NSMAF: variants seen among roughly 807,000 people sequenced by gnomAD.
The protein encoded by NSMAF is neutral sphingomyelinase activation associated factor.
In NSMAF, 90 loss-of-function variants were observed where a neutral mutation model predicts 134.9. The ratio of observed to expected loss-of-function variants is 0.67; its 90% CI spans 0.56 to 0.79. The LOEUF (loss-of-function observed/expected upper bound fraction) is 0.79, where lower values mean the gene tolerates loss of function less well. Among genes scored for constraint, NSMAF ranks in the 30% least tolerant of loss-of-function variants. The probability of loss-of-function intolerance (pLI) is 0.00; values close to 1 mark genes in which losing one functional copy is unlikely to be tolerated. For missense variants in NSMAF, 1,010 were observed against 1,119.0 expected (o/e 0.90, Z 1.39); for synonymous variants, 358 against 389.6 (o/e 0.92, Z 0.96).
intron 9 of NSMAF, among the ~76,000 whole-genome samples, 165 bp from the exon 10 acceptor site, chr8:58,609,898 CTT>C (rs1195626291): frequency 6.6e-6 from 1 of 152,072 alleles, no homozygotes; most frequent in East Asian, 1.9e-4. Flanking sequence ...AAAACTGACT[CTT>C]TAGAAATGGC....
At chr8:58,658,884 C>T (rs1807785109) in intron 1 of NSMAF, among the ~76,000 whole-genome samples, 1 of 152,182 alleles carries the variant, frequency 6.6e-6, no homozygotes, top group African/African-American at 2.4e-5. Flanking sequence ...GCTCCGCTGC[C>T]GCACCGCGAT....
intron 9 of NSMAF, among the ~76,000 whole-genome samples, chr8:58,620,276 G>A (rs547465644): frequency 1.3e-5 from 2 of 152,306 alleles, no homozygotes; most frequent in South Asian, 4.1e-4. Context: ...CAACAGCCAG[G>A]TGCAGAGAAG....
chr8:58,587,751 T>A lies in NSMAF; in HGVS notation c.2212-50A>T, dbSNP rs759349945. 91 of 1,539,880 alleles carry A rather than the reference T, an allele frequency of 5.9e-5. 1 individual carries two copies. The highest frequency in any genetic ancestry group is 4.6e-4 in the Admixed American group (26 of 56,248). On this transcript the variant is annotated intron_variant, in intron 26 of 30. Coordinates refer to ENST00000038176, the MANE Select transcript of NSMAF (RefSeq NM_003580.4). ...GTATTTTCAAACATTTAACAAAAAG[T>A]CATTTTCTAGTGCATTCAAGAAAAA... is the stretch of plus-strand genomic sequence containing the variant.
intron 9 of NSMAF, among the ~76,000 whole-genome samples, chr8:58,611,344 C>T (rs867555379): frequency 6.6e-6 from 1 of 152,060 alleles, no homozygotes; most frequent in African/African-American, 2.4e-5. Flanking sequence ...GAGTTTGAGA[C>T]CAGCTGGGTA....
intron 9 of NSMAF, among the ~76,000 whole-genome samples, chr8:58,611,943 T>TA (rs1238037337): frequency 2.6e-5 from 4 of 152,102 alleles, no homozygotes; most frequent in African/African-American, 4.8e-5. Context: ...TGTGACATAA[T>TA]AAAAAAATAT....
Position 58,645,902 on chromosome 8 carries a change from G to A in NSMAF, c.60-2829C>T, listed in dbSNP as rs566190323. The stretch of plus-strand genomic sequence containing the variant: ...CTAAAAGTACAAAAATTAGCCAGGC[G>A]TGGTGGCGGGCGCCTATAATCCCAG... On this transcript the variant is annotated intron_variant, in intron 1 of 30. Coordinates refer to ENST00000038176, the MANE Select transcript of NSMAF (RefSeq NM_003580.4). Among the ~76,000 whole-genome samples the A allele has an allele frequency of 2.6e-5, 4 of 152,224 alleles. No individual in the cohort carries two copies. The East Asian group carries it at 5.8e-4, about 22-fold the overall frequency.
At chr8:58,591,426 T>A (rs1806019848) in intron 23 of NSMAF, among the ~76,000 whole-genome samples, 2 of 144,342 alleles carry the variant, frequency 1.4e-5, no homozygotes, top group South Asian at 4.3e-4. Flanking sequence ...TAAATAATAA[T>A]AAAGTAGAAA....
chr8:58,605,722 C>CAAA (rs905286436), intron 12 of NSMAF, among the ~76,000 whole-genome samples: 1 of 150,930 alleles, frequency 6.6e-6, no homozygotes, highest in Non-Finnish European at 1.5e-5. Context: ...ACTAAAAATA[C>CAAA]AAAAAAAATT....
chr8:58,599,659 T>C (rs1453491497), intron 18 of NSMAF, 91 bp downstream of exon 18: 32 of 1,418,922 alleles, frequency 2.3e-5, no homozygotes, highest in Non-Finnish European at 3.1e-5. Context: ...TATATTGTGA[T>C]TTTTAAAAAT....
In NSMAF at chr8:58,597,515, G is replaced by GT; in HGVS notation, c.1663dup (p.Thr555AsnfsTer27). On this transcript the variant is annotated frameshift_variant, in exon 21 of 31. Coordinates refer to ENST00000038176, the MANE Select transcript of NSMAF (RefSeq NM_003580.4). LOFTEE classifies it high-confidence loss of function. Reference sequence around the variant, plus strand: ...TGTCTGCCCAAATTCCAAGATTTGCGTAAGCATGGCTACCTTCTCATCAGG... The same window carrying GT: ...TGTCTGCCCAAATTCCAAGATTTGCGTTAAGCATGGCTACCTTCTCATCAGG... 1 of 1,614,186 alleles carries GT rather than the reference G, an allele frequency of 6.2e-7. No individual in the cohort carries two copies. The highest frequency in any genetic ancestry group is 8.5e-7 in the Non-Finnish European group (1 of 1,180,006).
chr8:58,590,139 CTA>C, intron 24 of NSMAF, 65 bp from the exon 25 acceptor site: 1 of 1,386,130 alleles, frequency 7.2e-7, no homozygotes, highest in Non-Finnish European at 1.0e-6. Context: ...CACAGTAAAG[CTA>C]TCTTATACAT....
At chr8:58,593,466 G>C (rs1163711463) in intron 23 of NSMAF, among the ~76,000 whole-genome samples, 1 of 152,162 alleles carries the variant, frequency 6.6e-6, no homozygotes, top group Non-Finnish European at 1.5e-5. Context: ...CTATGATAAA[G>C]ACTAAATAAC....
intron 11 of NSMAF, among the ~76,000 whole-genome samples, chr8:58,606,988 C>A (rs1806424224): frequency 6.6e-6 from 1 of 152,114 alleles, no homozygotes; most frequent in African/African-American, 2.4e-5. Context: ...TATCTGTTTC[C>A]CTGATCTGCT....
intron 24 of NSMAF, 96 bp downstream of exon 24, chr8:58,590,771 C>T: frequency 8.0e-7 from 1 of 1,253,360 alleles, no homozygotes; most frequent in Non-Finnish European, 1.1e-6. Context: ...GGAATAAACT[C>T]AATTGTTTTG....
chr8:58,627,052 ATTAT>A (rs1806949104), intron 6 of NSMAF, among the ~76,000 whole-genome samples: 1 of 151,362 alleles, frequency 6.6e-6, no homozygotes, highest in Admixed American at 6.6e-5. Context: ...TCTTGATGGG[ATTAT>A]TTGTTTTTTG....
At chr8:58,632,390 A>G (rs1807074264) in intron 5 of NSMAF, among the ~76,000 whole-genome samples, 1 of 152,058 alleles carries the variant, frequency 6.6e-6, no homozygotes, top group South Asian at 2.1e-4. Context: ...AGATGGTCAC[A>G]TGAAGTGCAT....
At chr8:58,599,929 AC>A in intron 17 of NSMAF, 40 bp downstream of exon 17, 1 of 1,612,778 alleles carries the variant, frequency 6.2e-7, no homozygotes, top group Non-Finnish European at 8.5e-7. Context: ...GCAGTTAGAA[AC>A]CCCAAGTCCA....
chr8:58,623,809 C>T (rs1445159431), intron 6 of NSMAF, 29 bp from the exon 7 acceptor site: 6 of 1,569,198 alleles, frequency 3.8e-6, no homozygotes, highest in Non-Finnish European at 5.3e-6. Context: ...TATCAAAATA[C>T]AGGAAGAGAA....
intron 2 of NSMAF, among the ~76,000 whole-genome samples, chr8:58,639,300 GAA>G (rs1563542027): frequency 1.7e-4 from 13 of 76,168 alleles, no homozygotes; most frequent in African/African-American, 4.9e-4. Context: ...AAAAAAAAAA[GAA>G]GAAGAAGAAG....
Sources: allele counts gnomAD v4.1 joint callset (sites outside exome capture counted in the v4.1 genomes callset), GRCh38; gene constraint gnomAD v4.1.1; transcripts MANE v1.5; gene names NCBI Gene and HGNC (gene_info 2026-07-23, HGNC 2026-07-21).